The following HEMGN variants were observed in gnomAD, a reference collection of about 807,000 sequenced individuals.
The protein encoded by HEMGN is erythroid differentiation-associated gene protein.
Under a neutral mutation model 45.7 loss-of-function variants are expected in HEMGN, and 32 were observed. That is an observed-to-expected ratio of 0.70 (90% confidence interval 0.53 to 0.94). HEMGN has a LOEUF of 0.94. Ranked by LOEUF, HEMGN falls within the 40% of genes least tolerant of loss-of-function variation. The pLI is 0.00. For synonymous variants in HEMGN, 183 were observed against 178.6 expected (o/e 1.02, Z -0.20); for missense variants, 530 against 564.2 (o/e 0.94, Z 0.61).
At chr9:97,936,129 A>G in intron 2 of HEMGN, 42 bp downstream of exon 2, 1 of 1,275,630 alleles carries the variant, frequency 7.8e-7, no homozygotes. Context: ...TAACATCCTC[A>G]ATAAATATAT....
chr9:97,935,328 G>A (rs970879489), intron 2 of HEMGN, among the ~76,000 whole-genome samples: 4 of 152,194 alleles, frequency 2.6e-5, no homozygotes, highest in Non-Finnish European at 4.4e-5. Context: ...AACTGGGGAT[G>A]ATTTTGCCTG....
intron 1 of HEMGN, among the ~76,000 whole-genome samples, chr9:97,943,690 C>G (rs994235762): frequency 5.3e-5 from 8 of 152,154 alleles, no homozygotes; most frequent in Non-Finnish European, 7.4e-5. Flanking sequence ...TGAGCCTCCC[C>G]CTTATCCCTG....
intron 3 of HEMGN, among the ~76,000 whole-genome samples, chr9:97,928,104 G>T (rs2131550850): frequency 6.8e-6 from 1 of 148,144 alleles, no homozygotes; most frequent in African/African-American, 2.5e-5. Flanking sequence ...TCTGCTCACT[G>T]CAAGCTCCGC....
At chr9:97,928,273 A>G (rs10984405) in intron 3 of HEMGN, among the ~76,000 whole-genome samples, 45,926 of 151,576 alleles carry the variant, frequency 0.3, 7,732 homozygotes, top group Non-Finnish European at 0.37. Flanking sequence ...TGATCCGCCC[A>G]CCTCGGCCTC....
chr9:97,933,580 CA>C (rs1191442162), intron 2 of HEMGN, among the ~76,000 whole-genome samples: 1 of 152,114 alleles, frequency 6.6e-6, no homozygotes, highest in Non-Finnish European at 1.5e-5. Context: ...AGACTAAATG[CA>C]AAGAGACTAG....
chr9:97,936,311 C>T, intron 1 of HEMGN, 47 bp from the exon 2 acceptor site: 1 of 1,335,076 alleles, frequency 7.5e-7, no homozygotes, highest in East Asian at 2.3e-5. Context: ...ACTGTGGTGT[C>T]TATCAGCAAA....
chr9:97,944,489 C>T (rs1361252573), intron 1 of HEMGN, among the ~76,000 whole-genome samples: 2 of 152,160 alleles, frequency 1.3e-5, no homozygotes, highest in Non-Finnish European at 2.9e-5. Context: ...AGAGGGGCCT[C>T]AACTTCTCAT....
chr9:97,944,804 A>G (rs891692778), exon 1 of HEMGN: 23 of 152,168 alleles, frequency 1.5e-4, no homozygotes, highest in African/African-American at 5.3e-4. Context: ...TAACACCCAC[A>G]GTACCTATCT....
chr9:97,942,274 CT>C (rs56055830), upstream of HEMGN, among the ~76,000 whole-genome samples: 2,815 of 128,186 alleles, frequency 0.022, 17 homozygotes, highest in East Asian at 0.053. Flanking sequence ...CTAATTCCTT[CT>C]TTTTTTTTTT....
chr9:97,938,181 C>A (rs1827096974), upstream of HEMGN: 2 of 1,235,346 alleles, frequency 1.6e-6, no homozygotes, highest in Non-Finnish European at 2.4e-6. Context: ...CTTCCACAAG[C>A]AGCCTAGATG....
upstream of HEMGN, chr9:97,938,284 T>A: frequency 1.6e-6 from 1 of 628,816 alleles, no homozygotes; most frequent in Non-Finnish European, 2.8e-6. Flanking sequence ...AAAAGTTTTA[T>A]CTGGTTGGAC....
upstream of HEMGN, among the ~76,000 whole-genome samples, chr9:97,940,204 C>T (rs545255680): frequency 6.6e-5 from 10 of 152,182 alleles, no homozygotes; most frequent in Non-Finnish European, 1.3e-4. Flanking sequence ...TTAATGCCCC[C>T]TCTTGTGCTG....
rs1198126390 is a variant in HEMGN, at chr9:97,930,198, G to T, written c.1197C>A (p.Tyr399Ter). Residue 399 changes from tyrosine (Y) to a stop codon, truncating the protein, a stop_gained, in exon 3 of 4, where the codon TAC becomes TAA. Transcript: ENST00000616898. LOFTEE classifies it high-confidence loss of function. Reference sequence around the variant, plus strand: ...GGTCTTCAGGCCCCGGTGTTTCTTGGTATATTTCAGGTGAATATTCTTCAA... The same window carrying T: ...GGTCTTCAGGCCCCGGTGTTTCTTGTTATATTTCAGGTGAATATTCTTCAA... Reference protein sequence around the residue: ...SQLEEYSPEIYQETPGPEDLS... With the variant: ...SQLEEYSPEI 1 of 1,614,016 alleles carries T rather than the reference G, an allele frequency of 6.2e-7. No individual in the cohort carries two copies. The highest frequency in any genetic ancestry group is 8.5e-7 in the Non-Finnish European group (1 of 1,179,992).
At chr9:97,937,516 T>C (rs1344627923) in intron 1 of HEMGN, among the ~76,000 whole-genome samples, 2 of 152,104 alleles carry the variant, frequency 1.3e-5, no homozygotes, top group Non-Finnish European at 2.9e-5. Flanking sequence ...CTGGATATTG[T>C]AATCTATAAA....
upstream of HEMGN, among the ~76,000 whole-genome samples, chr9:97,938,663 T>C (rs1317285406): frequency 6.6e-6 from 1 of 152,190 alleles, no homozygotes; most frequent in Non-Finnish European, 1.5e-5. Context: ...AAATAATAGA[T>C]ATAAAAGTTT....
intron 2 of HEMGN, among the ~76,000 whole-genome samples, chr9:97,934,099 C>G (rs1460295582): frequency 6.6e-6 from 1 of 152,210 alleles, no homozygotes; most frequent in Non-Finnish European, 1.5e-5. Flanking sequence ...GTAATCCCAG[C>G]ACTTTGGGAG....
At chr9:97,931,435 G>A (rs1348387) in intron 2 of HEMGN, among the ~76,000 whole-genome samples, 3 of 152,140 alleles carry the variant, frequency 2.0e-5, no homozygotes, top group South Asian at 4.1e-4. Context: ...CCAGGACTTC[G>A]TGGCATTGAT....
chr9:97,928,972 T>G (rs1484475773), intron 3 of HEMGN, among the ~76,000 whole-genome samples: 1 of 152,040 alleles, frequency 6.6e-6, no homozygotes, highest in Non-Finnish European at 1.5e-5. Context: ...TAGGGGACTT[T>G]TACTTTACTT....
intron 2 of HEMGN, among the ~76,000 whole-genome samples, chr9:97,934,117 T>C (rs573201516): frequency 3.2e-3 from 485 of 152,192 alleles, no homozygotes; most frequent in African/African-American, 0.011. Context: ...GAGGCCAAGG[T>C]GGGCGAATCA....
Sources: allele counts gnomAD v4.1 joint callset (sites outside exome capture counted in the v4.1 genomes callset), GRCh38; gene constraint gnomAD v4.1.1; transcripts MANE v1.5; gene names NCBI Gene and HGNC (gene_info 2026-07-23, HGNC 2026-07-21).